FOXRED2: variants seen among roughly 807,000 people sequenced by gnomAD.
FOXRED2 encodes the protein FAD dependent oxidoreductase domain containing 2.
FOXRED2 carries 32 observed loss-of-function variants against 52.5 expected under a neutral mutation model. The observed-to-expected ratio is 0.61, with a 90% CI of 0.46 to 0.82. The LOEUF (loss-of-function observed/expected upper bound fraction) is 0.82. FOXRED2 is among the 40% of genes least tolerant of loss of function. The pLI is 0.00. For synonymous variants in FOXRED2, 405 were observed against 398.1 expected (o/e 1.02, Z -0.21); for missense variants, 848 against 937.5 (o/e 0.90, Z 1.25).
At chr22:36,493,508 C>T (rs548351809) in intron 8 of FOXRED2, 125 bp downstream of exon 8, 167 of 706,974 alleles carry the variant, frequency 2.4e-4, no homozygotes, top group South Asian at 9.3e-4. Context: ...ACGGCATTGT[C>T]GGGAACAGTA....
chr22:36,495,136 G>T (rs574178301), intron 7 of FOXRED2, among the ~76,000 whole-genome samples: 3 of 151,904 alleles, frequency 2.0e-5, no homozygotes, highest in Admixed American at 2.0e-4. Context: ...TTTTTTTCAT[G>T]TTTTTTTAGA....
chr22:36,496,591 C>T lies in FOXRED2; in HGVS notation c.1383-383G>A, dbSNP rs374416408. 7.2e-5 allele frequency among the ~76,000 whole-genome samples: 11 copies of T among 152,334 alleles called. No homozygotes were observed. The East Asian group carries it at 1.5e-3, about 21-fold the overall frequency. On this transcript the variant is annotated intron_variant, in intron 6 of 8. Coordinates refer to ENST00000397224, the MANE Select transcript of FOXRED2 (RefSeq NM_001102371.2). The stretch of plus-strand genomic sequence containing the variant: ...GGCCTTGAGAGGTCAAGGAGGGCTG[C>T]GCCTCCCATGACGAGACGTGAGGAG...
At position 36,504,545 on chromosome 22, in the gene FOXRED2, G is replaced by C. The variant is rs1934142238; in HGVS notation, c.749C>G (p.Ser250Cys). ...HMLSRSRVRL[S>C]WATHYVGDLR... ...GTCTCCAACGTAGTGGGTGGCCCAG[G>C]ACAGACGGACCCGGGAGCGGCTGAG... Residue 250 changes from serine (S) to cysteine (C), a missense_variant, in exon 3 of 9, where the codon TCC becomes TGC. Coordinates refer to ENST00000397224, the MANE Select transcript of FOXRED2 (RefSeq NM_001102371.2). The C allele has an allele frequency of 6.2e-7, 1 of 1,614,070 alleles. No individual in the cohort carries two copies. The highest frequency in any genetic ancestry group is 1.3e-5 in the African/African-American group (1 of 74,926).
At chr22:36,504,053 G>A (rs1934121326) in intron 4 of FOXRED2, 45 bp downstream of exon 4, 1 of 1,591,352 alleles carries the variant, frequency 6.3e-7, no homozygotes, top group African/African-American at 1.3e-5. Flanking sequence ...GGAGGGGTCA[G>A]GAGGGTTTGC....
chr22:36,499,212 C>T (rs567059372), intron 5 of FOXRED2, among the ~76,000 whole-genome samples: 2 of 152,292 alleles, frequency 1.3e-5, no homozygotes, highest in Admixed American at 6.5e-5. Context: ...TGAGCCACTA[C>T]GCCCAGCCTG....
intron 4 of FOXRED2, 45 bp from the exon 5 acceptor site, chr22:36,501,452 A>C (rs1934044741): frequency 6.3e-7 from 1 of 1,587,836 alleles, no homozygotes; most frequent in Admixed American, 1.7e-5. Flanking sequence ...GCTATGTAAG[A>C]GGCACTTATT....
chr22:36,501,521 C>T (rs1603495707), intron 4 of FOXRED2, 114 bp from the exon 5 acceptor site: 12 of 1,029,746 alleles, frequency 1.2e-5, no homozygotes, highest in Middle Eastern at 3.0e-4. Flanking sequence ...AGTACAATGG[C>T]GTGATCTCGG....
Position 36,506,089 on chromosome 22 carries a change from T to C in FOXRED2, c.334A>G (p.Arg112Gly). ...LLSHDPRLLFRHYSRAYFPDA... is the reference protein window; with the variant it reads ...LLSHDPRLLFGHYSRAYFPDA... Reference sequence around the variant, plus strand: ...GGGAAGTAGGCACGCGAGTAGTGTCTGAAGAGCAGCCGGGGGTCGTGGCTG... The same window carrying C: ...GGGAAGTAGGCACGCGAGTAGTGTCCGAAGAGCAGCCGGGGGTCGTGGCTG... Residue 112 changes from arginine (R) to glycine (G), a missense_variant, in exon 2 of 9, where the codon AGA becomes GGA. Arg to Gly is a moderately radical substitution (Grantham distance 125). Coordinates refer to ENST00000397224, the MANE Select transcript of FOXRED2 (RefSeq NM_001102371.2). The C allele has an allele frequency of 1.9e-6, 3 of 1,614,226 alleles. No individual in the cohort carries two copies. The highest frequency in any genetic ancestry group is 2.2e-5 in the South Asian group (2 of 91,084).
At chr22:36,495,045 G>A (rs1039127343) in intron 7 of FOXRED2, among the ~76,000 whole-genome samples, 4 of 151,880 alleles carry the variant, frequency 2.6e-5, no homozygotes, top group East Asian at 1.9e-4. Context: ...CCCGGATCCC[G>A]GTTCAAGCAA....
intron 1 of FOXRED2, 120 bp from the exon 2 acceptor site, chr22:36,506,543 G>A: frequency 2.0e-6 from 2 of 1,012,058 alleles, no homozygotes; most frequent in Non-Finnish European, 2.7e-6. Flanking sequence ...GCCAGGCCCA[G>A]AAGCCGTCCT....
rs1933706624 is a variant in FOXRED2 at position 36,490,009 on chromosome 22, C to CA, written c.2053dup (p.Ter685LeufsTer6). The stretch of plus-strand genomic sequence containing the variant: ...TGCCCACAGCTTAGGAAGGGACAGT[C>CA]AGAGCTCCTCTTTGTTGCTATCGAC... On this transcript the variant is annotated frameshift_variant and stop_lost, in exon 9 of 9. Transcript: ENST00000397224. LOFTEE classifies it high-confidence loss of function. 11 of 1,570,216 alleles carry CA rather than the reference C, an allele frequency of 7.0e-6. No homozygotes were observed. The highest frequency in any genetic ancestry group is 9.5e-6 in the Non-Finnish European group (11 of 1,153,898).
chr22:36,506,479 G>A (rs1264935121), intron 1 of FOXRED2, 56 bp from the exon 2 acceptor site: 1 of 1,405,570 alleles, frequency 7.1e-7, no homozygotes, highest in Non-Finnish European at 9.3e-7. Context: ...TGGGAGACAC[G>A]AGGCCCAGAA....
At position 36,506,345 on chromosome 22, in the gene FOXRED2, C is replaced by T. The variant is rs1398806878; in HGVS notation, c.78G>A (p.Ser26=). ...LLAIALHPAL[S]VPPRRDYCVL... is the part of the protein sequence containing the mutation. Reference sequence around the variant, plus strand: ...CGCAGTAGTCCCGGCGCGGGGGCACCGACAGCGCTGGGTGCAGGGCGATGG... The same window carrying T: ...CGCAGTAGTCCCGGCGCGGGGGCACTGACAGCGCTGGGTGCAGGGCGATGG... Residue 26 remains serine, a synonymous_variant, in exon 2 of 9, where the codon TCG becomes TCA. Coordinates refer to ENST00000397224, the MANE Select transcript of FOXRED2 (RefSeq NM_001102371.2). 3 of 1,485,042 alleles carry T rather than the reference C, an allele frequency of 2.0e-6. No individual in the cohort carries two copies. Among genetic ancestry groups the T allele is most frequent in the African/African-American group, 1.4e-5 (1 of 71,844 alleles). 92.0% of individuals were successfully genotyped at this position (1,485,042 alleles called of 1,614,324 possible).
At chr22:36,502,192 C>A (rs8141139) in intron 4 of FOXRED2, among the ~76,000 whole-genome samples, 4,395 of 149,004 alleles carry the variant, frequency 0.029, 212 homozygotes, top group African/African-American at 0.088. Context: ...AACAAACAAA[C>A]AATGAAGTCA....
At position 36,493,795 on chromosome 22, in the gene FOXRED2, C is replaced by T. The variant is rs368642443; in HGVS notation, c.1633G>A (p.Val545Met). 6.2e-7 allele frequency: 1 copy of T among 1,614,068 alleles called. No homozygotes were observed. The highest frequency in any genetic ancestry group is 1.3e-5 in the African/African-American group (1 of 75,062). Residue 545 changes from valine (V) to methionine (M), a missense_variant, in exon 8 of 9, where the codon GTG becomes ATG. Physicochemically the swap from Val to Met is conservative, Grantham distance 21. Transcript: ENST00000397224. ...GGCCAGTGTGCAGGGCGGAACCTCA[C>T]CTCCTGTTCTGTGGGGAGGAGAGAG... ...YYRYLPTEQE[V>M]RFRPAHWPLP...
At chr22:36,498,315 G>A (rs1422736741) in intron 5 of FOXRED2, 159 bp from the exon 6 acceptor site, 3 of 721,782 alleles carry the variant, frequency 4.2e-6, no homozygotes, top group Non-Finnish European at 6.6e-6. Context: ...GAGGGGAGGA[G>A]ATGGCAGCTG....
chr22:36,498,445 C>T, intron 5 of FOXRED2: 1 of 338,544 alleles, frequency 3.0e-6, no homozygotes, highest in Admixed American at 4.4e-5. Flanking sequence ...GTAAAAGCGG[C>T]CAAGACAACA....
In FOXRED2 at chr22:36,498,165, G is replaced by C. The variant is rs1162554908; in HGVS notation, c.1217-9C>G. The C allele has an allele frequency of 1.2e-6, 2 of 1,607,580 alleles. No homozygotes were observed. The highest frequency in any genetic ancestry group is 1.7e-5 in the Admixed American group (1 of 59,838). On this transcript the variant is annotated splice_polypyrimidine_tract_variant and intron_variant, in intron 5 of 8. Coordinates refer to ENST00000397224, the MANE Select transcript of FOXRED2 (RefSeq NM_001102371.2). ...CCGGTGAACAGCACGCACTGGAACA[G>C]CCAGAGGGAGGAACGGCACGCTGCA...
In FOXRED2 at chr22:36,488,558, C is replaced by A. The variant is rs1258868979; in HGVS notation, c.*1450G>T. The stretch of plus-strand genomic sequence containing the variant: ...TACAGGTGTAAGCAACTGTACCCAG[C>A]GCATGTTTTATTTTAATTTAATTTA... On this transcript the variant is annotated 3_prime_UTR_variant, in exon 9 of 9. Transcript: ENST00000397224. The A allele has an allele frequency of 6.6e-6, 1 of 151,510 alleles. No individual in the cohort carries two copies. The highest frequency in any genetic ancestry group is 1.5e-5 in the Non-Finnish European group (1 of 67,908). 9.4% of individuals were successfully genotyped at this position (151,510 alleles called of 1,614,324 possible). A position where few individuals can be genotyped will look rare whatever the true frequency, so the allele number is the denominator to read the frequency against.
Sources: gnomAD v4.1 joint callset for allele counts (sites outside exome capture counted in the v4.1 genomes callset) on GRCh38, gnomAD v4.1.1 for gene constraint, MANE v1.5 for transcripts, NCBI Gene and HGNC (gene_info 2026-07-23, HGNC 2026-07-21) for gene names.